Variants in ZMYM6 observed in about 807,000 individuals in gnomAD.
The protein encoded by ZMYM6 is zinc finger MYM-type protein 6.
ZMYM6 carries 90 observed loss-of-function variants against 134.0 expected under a neutral mutation model. The observed-to-expected ratio is 0.67, with a 90% CI of 0.57 to 0.80. ZMYM6 has a LOEUF of 0.80. ZMYM6 is among the 30% of genes least tolerant of loss of function. The pLI, the probability that ZMYM6 is intolerant of heterozygous loss-of-function variation, is 0.00. For missense variants in ZMYM6, 1,362 were observed against 1,533.9 expected (o/e 0.89, Z 1.87); for synonymous variants, 481 against 524.1 (o/e 0.92, Z 1.12).
intron 2 of ZMYM6, among the ~76,000 whole-genome samples, chr1:35,025,893 G>A (rs1641405765): frequency 6.6e-6 from 1 of 152,128 alleles, no homozygotes; most frequent in South Asian, 2.1e-4. Context: ...TGAGGGTTGT[G>A]AGCATCGAAT....
At chr1:35,010,190 C>T (rs772846955) in intron 10 of ZMYM6, among the ~76,000 whole-genome samples, 4 of 151,254 alleles carry the variant, frequency 2.6e-5, no homozygotes, top group Non-Finnish European at 2.9e-5. Flanking sequence ...TGTATAGAGA[C>T]GGTGTTTTTT....
chr1:35,007,007 C>T lies in ZMYM6; in HGVS notation c.1757G>A (p.Cys586Tyr). ...TTGCTGATGACAAAACTCCAAGACACAAAATAGGTTACAGAAATGTTTAAT... is the reference window on the plus strand; with the variant it reads ...TTGCTGATGACAAAACTCCAAGACATAAAATAGGTTACAGAAATGTTTAAT... The part of the protein sequence containing the change: ...GNIKHFCNLF[C>Y]VLEFCHQQIM... The change falls in exon 12 of 16, where the codon TGT (cysteine) becomes TAT (tyrosine). Residue 586 changes from cysteine to tyrosine, a missense_variant. This residue lies in a region of ZMYM6 where 824 missense variants were observed against 940.9 expected (regional missense o/e 0.88). Transcript: ENST00000357182. 1 of 1,613,226 alleles carries T rather than the reference C, an allele frequency of 6.2e-7. No homozygotes were observed. Among genetic ancestry groups the T allele is most frequent in the Non-Finnish European group, 8.5e-7 (1 of 1,179,722 alleles).
intron 4 of ZMYM6, among the ~76,000 whole-genome samples, chr1:35,016,934 G>A (rs1641211546): frequency 6.6e-6 from 1 of 151,988 alleles, no homozygotes; most frequent in Admixed American, 6.6e-5. Context: ...GAGCCCGGGA[G>A]GTAGAGGCTG....
At chr1:35,029,080 T>A (rs1027433786) in intron 2 of ZMYM6, among the ~76,000 whole-genome samples, 1 of 151,998 alleles carries the variant, frequency 6.6e-6, no homozygotes. Context: ...TAATCCCAGC[T>A]ACTGGGGAGG....
intron 14 of ZMYM6, among the ~76,000 whole-genome samples, chr1:34,994,726 T>C (rs1195304997): frequency 6.6e-6 from 1 of 151,576 alleles, no homozygotes; most frequent in African/African-American, 2.4e-5. Flanking sequence ...ATAATTGTGG[T>C]TTTTGCAATT....
chr1:34,993,296 A>G (rs1450930119), intron 14 of ZMYM6, among the ~76,000 whole-genome samples: 1 of 152,010 alleles, frequency 6.6e-6, no homozygotes. Flanking sequence ...TATTTTTAGT[A>G]GAGATGGTGT....
At position 35,019,336 on chromosome 1, in the gene ZMYM6, T is replaced by C; in HGVS notation, c.428+17A>G. 6.2e-7 allele frequency: 1 copy of C among 1,614,094 alleles called. No individual in the cohort carries two copies. Among genetic ancestry groups the C allele is most frequent in the Non-Finnish European group, 8.5e-7 (1 of 1,180,020 alleles). On this transcript the variant is annotated intron_variant, in intron 4 of 15. Coordinates refer to ENST00000357182, the MANE Select transcript of ZMYM6 (RefSeq NM_007167.4). ...AAAAAAAAGGTAAAGTAAAAAGGGA[T>C]GTTAAGAATTTTATACTTCGAGCAG...
intron 7 of ZMYM6, 54 bp from the exon 8 acceptor site, chr1:35,012,059 T>A: frequency 9.1e-7 from 1 of 1,099,530 alleles, no homozygotes; most frequent in Non-Finnish European, 1.3e-6. Flanking sequence ...GAACAAACAA[T>A]ACAAAAATGT....
chr1:35,014,260 G>A (rs1447114144), intron 6 of ZMYM6, among the ~76,000 whole-genome samples: 1 of 152,040 alleles, frequency 6.6e-6, no homozygotes, highest in African/African-American at 2.4e-5. Context: ...TGGTTTTCTT[G>A]CTATCAATAC....
Position 35,010,963 on chromosome 1 carries a change from G to A in ZMYM6, c.1136C>T (p.Pro379Leu), listed in dbSNP as rs768998113. 30 of 1,613,490 alleles carry A rather than the reference G, an allele frequency of 1.9e-5. No individual in the cohort carries two copies. The highest frequency in any genetic ancestry group is 9.9e-5 in the South Asian group (9 of 90,958). ...TGACACTGCTGACCTGGAGGAGGGC[G>A]GGCTTACAACCACTTGGCCCTGAGA... is the stretch of plus-strand genomic sequence containing the variant. ...PLSQGQVVVSPPSSRSAVSIG... is the reference protein window; with the variant it reads ...PLSQGQVVVSLPSSRSAVSIG... Residue 379 changes from proline to leucine, a missense_variant, in exon 9 of 16, where the codon CCG becomes CTG. Coordinates refer to ENST00000357182, the MANE Select transcript of ZMYM6 (RefSeq NM_007167.4).
In ZMYM6 at chr1:34,988,459, T is replaced by C; in HGVS notation, c.2623A>G (p.Thr875Ala). 6.4e-7 allele frequency: 1 copy of C among 1,551,270 alleles called. No individual in the cohort carries two copies. The highest frequency in any genetic ancestry group is 1.2e-5 in the South Asian group (1 of 83,940). The change falls in exon 16 of 16, where the codon ACT (threonine) becomes GCT (alanine). Residue 875 changes from threonine (T) to alanine (A), a missense_variant. This residue lies in a region of ZMYM6 where 824 missense variants were observed against 940.9 expected (regional missense o/e 0.88). Coordinates refer to ENST00000357182, the MANE Select transcript of ZMYM6 (RefSeq NM_007167.4). ...LGSSAGDKMK[T>A]IPLSNVTIQH... ...ATTGTAACATTAGAAAGTGGAATAG[T>C]TTTCATTTTGTCTCCAGCACTTGAA...
In ZMYM6 at chr1:35,011,969, G is replaced by A; in HGVS notation, c.983C>T (p.Ala328Val). 2 of 1,609,572 alleles carry A rather than the reference G, an allele frequency of 1.2e-6. No individual in the cohort carries two copies. The highest frequency in any genetic ancestry group is 1.1e-5 in the South Asian group (1 of 90,268). Residue 328 changes from alanine (A) to valine (V), a missense_variant, in exon 8 of 16, where the codon GCA (alanine) becomes GTA (valine). Around this residue, in one of 3 missense-constraint regions of ZMYM6, gnomAD observed 503 missense variants for 520.8 expected, o/e 0.97. Coordinates refer to ENST00000357182, the MANE Select transcript of ZMYM6 (RefSeq NM_007167.4). ...QVSCHSCKTS[A>V]IPQYHLAMSN... ...CATGGCTAGGTGATACTGAGGGATTGCTGAGGTTTTACAACTATGACATGA... is the reference window on the plus strand; with the variant it reads ...CATGGCTAGGTGATACTGAGGGATTACTGAGGTTTTACAACTATGACATGA...
chr1:35,001,531 C>T (rs1411784257), intron 14 of ZMYM6, among the ~76,000 whole-genome samples: 1 of 152,002 alleles, frequency 6.6e-6, no homozygotes, highest in Non-Finnish European at 1.5e-5. Flanking sequence ...GAAGCATTCT[C>T]AGAGTACATA....
chr1:35,005,112 G>A lies in ZMYM6; in HGVS notation c.1954+20C>T. 6.2e-7 allele frequency: 1 copy of A among 1,613,366 alleles called. No individual in the cohort carries two copies. Among genetic ancestry groups the A allele is most frequent in the Non-Finnish European group, 8.5e-7 (1 of 1,179,664 alleles). ...ACTCACTTCTATGGCTTAGCCAAAT[G>A]CCATTATATCAAGTCATACCTTTTA... On this transcript the variant is annotated intron_variant, in intron 13 of 15. Coordinates refer to ENST00000357182, the MANE Select transcript of ZMYM6 (RefSeq NM_007167.4).
intron 2 of ZMYM6, among the ~76,000 whole-genome samples, chr1:35,025,633 A>C (rs1230624609): frequency 4.6e-5 from 7 of 152,174 alleles, no homozygotes; most frequent in Admixed American, 3.3e-4. Flanking sequence ...TCTCATTCTC[A>C]TAACTTTTCT....
chr1:34,998,117 A>G (rs1640814724), intron 14 of ZMYM6, among the ~76,000 whole-genome samples: 2 of 152,066 alleles, frequency 1.3e-5, no homozygotes, highest in South Asian at 2.1e-4. Context: ...TGTCTCTACT[A>G]AAAATACAAA....
At chr1:34,997,350 C>G (rs151209398) in intron 14 of ZMYM6, among the ~76,000 whole-genome samples, 1,559 of 152,340 alleles carry the variant, frequency 0.01, 22 homozygotes, top group African/African-American at 0.027. Flanking sequence ...GTCACCCAGA[C>G]TGGAGTGCAG....
At chr1:35,027,315 CT>C (rs1285623902) in intron 2 of ZMYM6, among the ~76,000 whole-genome samples, 1 of 152,154 alleles carries the variant, frequency 6.6e-6, no homozygotes, top group Non-Finnish European at 1.5e-5. Flanking sequence ...CTTCATCACA[CT>C]GGAGGAAACA....
chr1:34,993,841 G>A (rs991913942), intron 14 of ZMYM6, among the ~76,000 whole-genome samples: 5 of 151,886 alleles, frequency 3.3e-5, no homozygotes, highest in East Asian at 3.9e-4. Flanking sequence ...CCGCCACCAC[G>A]CCCGGCTAAT....
Sources: allele counts gnomAD v4.1 joint callset (sites outside exome capture counted in the v4.1 genomes callset), GRCh38; gene constraint gnomAD v4.1.1; regional missense constraint gnomAD v4.1.1; transcripts MANE v1.5; gene names NCBI Gene and HGNC (gene_info 2026-07-23, HGNC 2026-07-21).